The following ASIP variants were observed in gnomAD, a reference collection of about 807,000 sequenced individuals.
The protein encoded by ASIP is agouti signaling protein.
Under a neutral mutation model 10.3 loss-of-function variants are expected in ASIP, and 11 were observed. The observed-to-expected ratio is 1.07, with a 90% CI of 0.68 to 1.78. The LOEUF (loss-of-function observed/expected upper bound fraction) is 1.78, where lower values mean the gene tolerates loss of function less well. Ranked by LOEUF, ASIP falls within the 40% of genes most tolerant of loss-of-function variation. ASIP has a pLI of 0.00. For missense variants in ASIP, 180 were observed against 169.2 expected (o/e 1.06, Z -0.35); for synonymous variants, 70 against 70.8 (o/e 0.99, Z 0.06).
At chr20:34,245,249 G>A (rs1374030881) in intron 1 of ASIP, among the ~76,000 whole-genome samples, 3 of 148,768 alleles carry the variant, frequency 2.0e-5, no homozygotes, top group Admixed American at 6.7e-5. Context: ...CAGGAGAATC[G>A]CTTGAACCTG....
chr20:34,254,959 G>A (rs570108943), intron 1 of ASIP, among the ~76,000 whole-genome samples: 8 of 152,286 alleles, frequency 5.3e-5, no homozygotes, highest in East Asian at 1.9e-4. Context: ...CTGTTTTGCC[G>A]GGGGTTGGTC....
chr20:34,261,729 G>A (rs2035696015), intron 2 of ASIP, among the ~76,000 whole-genome samples: 1 of 152,180 alleles, frequency 6.6e-6, no homozygotes, highest in South Asian at 2.1e-4. Context: ...TTGAGCCCAG[G>A]AGGTCGACGC....
chr20:34,189,662 A>C (rs1447810630), upstream of ASIP, among the ~76,000 whole-genome samples: 1 of 152,232 alleles, frequency 6.6e-6, no homozygotes, highest in East Asian at 1.9e-4. Context: ...AAACTCTGAA[A>C]TACTATGGGA....
At chr20:34,266,318 C>G (rs1376610725) in intron 3 of ASIP, among the ~76,000 whole-genome samples, 1 of 150,878 alleles carries the variant, frequency 6.6e-6, no homozygotes, top group African/African-American at 2.4e-5. Flanking sequence ...CCACTACACT[C>G]CAGCCTGGGT....
intron 1 of ASIP, among the ~76,000 whole-genome samples, chr20:34,252,690 C>A (rs923511704): frequency 6.6e-6 from 1 of 152,132 alleles, no homozygotes; most frequent in Non-Finnish European, 1.5e-5. Context: ...CAGCACAGAC[C>A]CTTTATGGGT....
the ASIP span, among the ~76,000 whole-genome samples, chr20:34,189,312 G>A: frequency 2.6e-5 from 4 of 151,926 alleles, no homozygotes; most frequent in African/African-American, 4.8e-5. Context: ...GCGTGATCTC[G>A]GCTCACCGCA....
At chr20:34,194,191 T>G (rs1435179887), upstream of ASIP, among the ~76,000 whole-genome samples, 1 of 152,074 alleles carries the variant, frequency 6.6e-6, no homozygotes, top group Non-Finnish European at 1.5e-5. Context: ...AAAGCAGTGC[T>G]GAGAGAGAGA....
chr20:34,215,721 G>C, intron 1 of ASIP: 1 of 1,448,846 alleles, frequency 6.9e-7, no homozygotes, highest in Non-Finnish European at 9.7e-7. Context: ...TCCAGTACTT[G>C]AAAGCAGAAA....
At chr20:34,214,772 C>T (rs2034996632) in intron 1 of ASIP, 4 of 1,414,198 alleles carry the variant, frequency 2.8e-6, no homozygotes, top group South Asian at 1.1e-5. Flanking sequence ...TTTTGCTGAT[C>T]CGAGAGCACT....
At chr20:34,253,296 C>T (rs1346631510) in intron 1 of ASIP, among the ~76,000 whole-genome samples, 2 of 151,200 alleles carry the variant, frequency 1.3e-5, no homozygotes, top group African/African-American at 2.4e-5. Context: ...TTAGTAGAGA[C>T]GGGGTTTCAC....
At chr20:34,260,715 C>T (rs1483922770) in intron 2 of ASIP, among the ~76,000 whole-genome samples, 181 bp downstream of exon 2, 1 of 152,226 alleles carries the variant, frequency 6.6e-6, no homozygotes, top group Non-Finnish European at 1.5e-5. Context: ...GCTCTGCATG[C>T]CACCAGTCTA....
At chr20:34,262,708 C>A in intron 2 of ASIP, 124 bp from the exon 3 acceptor site, 3 of 1,037,692 alleles carry the variant, frequency 2.9e-6, no homozygotes, top group Non-Finnish European at 4.5e-6. Context: ...TGTGACTCAT[C>A]CAGCACGCTT....
At chr20:34,191,111 G>A (rs2034822239), upstream of ASIP, among the ~76,000 whole-genome samples, 1 of 152,180 alleles carries the variant, frequency 6.6e-6, no homozygotes, top group Non-Finnish European at 1.5e-5. Context: ...GACTTTAAAG[G>A]AAAGTGTGGA....
chr20:34,187,582 G>C, the ASIP span, among the ~76,000 whole-genome samples: 1 of 152,208 alleles, frequency 6.6e-6, no homozygotes, highest in Non-Finnish European at 1.5e-5. Flanking sequence ...CTGTCTTTGA[G>C]AGACTCAGAT....
chr20:34,252,044 C>T (rs775208762), intron 1 of ASIP, among the ~76,000 whole-genome samples: 2 of 152,244 alleles, frequency 1.3e-5, no homozygotes, highest in South Asian at 2.1e-4. Context: ...ATTCATATAA[C>T]AAATTTTTGT....
chr20:34,216,807 T>A (rs1441560245), intron 1 of ASIP, among the ~76,000 whole-genome samples: 1 of 152,248 alleles, frequency 6.6e-6, no homozygotes, highest in Admixed American at 6.5e-5. Context: ...TTGTGGCAAA[T>A]CTTGAACTTG....
chr20:34,201,274 C>T (rs1023468183), intron 1 of ASIP, among the ~76,000 whole-genome samples: 9 of 152,060 alleles, frequency 5.9e-5, no homozygotes, highest in African/African-American at 2.2e-4. Flanking sequence ...GAGTTGATAA[C>T]TTCCTTATGA....
At chr20:34,267,552 A>T (rs2035808734) in intron 3 of ASIP, among the ~76,000 whole-genome samples, 1 of 149,752 alleles carries the variant, frequency 6.7e-6, no homozygotes, top group African/African-American at 2.5e-5. Flanking sequence ...TTTTTTTGAG[A>T]CAGAGTTTTG....
chr20:34,221,037 T>A (rs1183887889), intron 1 of ASIP, among the ~76,000 whole-genome samples: 1 of 144,914 alleles, frequency 6.9e-6, no homozygotes, highest in African/African-American at 2.6e-5. Flanking sequence ...AAGCAGAATG[T>A]GGGACTTGAA....
Sources: gnomAD v4.1 joint callset for allele counts (sites outside exome capture counted in the v4.1 genomes callset) on GRCh38, gnomAD v4.1.1 for gene constraint, MANE v1.5 for transcripts, NCBI Gene and HGNC (gene_info 2026-07-23, HGNC 2026-07-21) for gene names.